The following OXCT1 variants were observed in gnomAD, a reference collection of about 807,000 sequenced individuals.
The protein encoded by OXCT1 is succinyl-CoA:3-ketoacid coenzyme A transferase 1, mitochondrial.
Under a neutral mutation model 69.6 loss-of-function variants are expected in OXCT1, and 27 were observed. That is an observed-to-expected ratio of 0.39 (90% confidence interval 0.29 to 0.54). The LOEUF is 0.54. Among genes scored for constraint, OXCT1 ranks in the 20% least tolerant of loss-of-function variants. The pLI is 0.72. For synonymous variants in OXCT1, 202 were observed against 217.8 expected (o/e 0.93, Z 0.64); for missense variants, 437 against 650.2 (o/e 0.67, Z 3.57).
chr5:41,843,322 C>A (rs1277476005), intron 5 of OXCT1, among the ~76,000 whole-genome samples: 2 of 152,126 alleles, frequency 1.3e-5, no homozygotes, highest in African/African-American at 4.8e-5. Context: ...TAGTATATGT[C>A]TCCATTTACT....
intron 14 of OXCT1, among the ~76,000 whole-genome samples, chr5:41,756,252 T>C (rs1744064221): frequency 6.6e-6 from 1 of 152,094 alleles, no homozygotes; most frequent in African/African-American, 2.4e-5. Context: ...CAACAGTAAC[T>C]GAATTCCTTT....
intron 13 of OXCT1, among the ~76,000 whole-genome samples, chr5:41,775,078 T>A (rs1745058880): frequency 6.6e-6 from 1 of 152,128 alleles, no homozygotes; most frequent in South Asian, 2.1e-4. Flanking sequence ...TTCAACTGTT[T>A]ATACTCAACA....
chr5:41,843,481 A>G (rs2112411802), intron 5 of OXCT1: 3 of 453,688 alleles, frequency 6.6e-6, no homozygotes, highest in South Asian at 4.7e-5. Context: ...GACATTACTG[A>G]TCTAGGGAAT....
chr5:41,774,863 C>A (rs1257848805), intron 13 of OXCT1, among the ~76,000 whole-genome samples: 1 of 151,812 alleles, frequency 6.6e-6, no homozygotes, highest in Non-Finnish European at 1.5e-5. Context: ...CCACTGCACT[C>A]CAGCCTGGGT....
chr5:41,755,900 GTTGCAT>G (rs2112077402), intron 14 of OXCT1, among the ~76,000 whole-genome samples: 2 of 152,164 alleles, frequency 1.3e-5, no homozygotes, highest in South Asian at 4.1e-4. Flanking sequence ...TGTAAACACA[GTTGCAT>G]AAAACAACAA....
At chr5:41,828,708 T>G (rs913019553) in intron 7 of OXCT1, among the ~76,000 whole-genome samples, 4 of 152,168 alleles carry the variant, frequency 2.6e-5, no homozygotes, top group Admixed American at 2.6e-4. Flanking sequence ...TTCTAATTAA[T>G]TTTCTATTCA....
In OXCT1 at chr5:41,870,267, C is replaced by T. The variant is rs766546693; in HGVS notation, c.78+14G>A. On this transcript the variant is annotated intron_variant, in intron 1 of 16. Transcript: ENST00000196371. This position sits in a 1 kb window ranked among gnomAD's most constrained non-coding sequence, Gnocchi z 4.2. ...TCTTCCTGCCCATGGCCTTCCTCTT[C>T]CCCCGCACTTTACCTTGTACCAGGT... The T allele has an allele frequency of 1.2e-6, 2 of 1,604,642 alleles. No homozygotes were observed. Among genetic ancestry groups the T allele is most frequent in the Non-Finnish European group, 1.7e-6 (2 of 1,175,006 alleles).
At chr5:41,851,402 C>T (rs1749166377) in intron 4 of OXCT1, among the ~76,000 whole-genome samples, 1 of 152,094 alleles carries the variant, frequency 6.6e-6, no homozygotes, top group Non-Finnish European at 1.5e-5. Flanking sequence ...GTAACATTTA[C>T]AAAAAATTAA....
intron 7 of OXCT1, among the ~76,000 whole-genome samples, chr5:41,838,393 T>C (rs1428319875): frequency 6.6e-6 from 1 of 152,202 alleles, no homozygotes; most frequent in African/African-American, 2.4e-5. Context: ...GTTTCTACTA[T>C]GAACAGGTGT....
At chr5:41,769,347 C>T (rs1336067277) in intron 13 of OXCT1, among the ~76,000 whole-genome samples, 3 of 152,082 alleles carry the variant, frequency 2.0e-5, no homozygotes, top group Non-Finnish European at 4.4e-5. Flanking sequence ...ACTACCAGTG[C>T]TCACATCTGT....
At chr5:41,745,726 C>T (rs370817035) in intron 15 of OXCT1, among the ~76,000 whole-genome samples, 4 of 152,064 alleles carry the variant, frequency 2.6e-5, no homozygotes, top group East Asian at 3.9e-4. Flanking sequence ...ATATCACCAC[C>T]GATCCCACAG....
In OXCT1 at chr5:41,807,446, A is replaced by G. The variant is rs1357993629; in HGVS notation, c.733-8T>C. On this transcript the variant is annotated splice_polypyrimidine_tract_variant and splice_region_variant and intron_variant, in intron 7 of 16. Coordinates refer to ENST00000196371, the MANE Select transcript of OXCT1 (RefSeq NM_000436.4). ...ATCCACAATTTCTTCAACCTAGACA[A>G]AGAGAAATTTCTTTCAAAGTTAGTG... The G allele has an allele frequency of 2.6e-6, 4 of 1,511,634 alleles. No individual in the cohort carries two copies. The highest frequency in any genetic ancestry group is 3.7e-6 in the Non-Finnish European group (4 of 1,088,132). The allele number at this position is 1,511,634 out of a possible 1,614,324, so 93.6% of individuals were successfully genotyped here. A position where few individuals can be genotyped will look rare whatever the true frequency, so the allele number is the denominator to read the frequency against.
rs1398933179 is a variant in OXCT1 at position 41,850,182 on chromosome 5, GC to G, written c.415-4del. ...CGGATCCTCTCTGCAAGTGTGCCCT[GC>G]AAGTGAGCAACCAACACCCCATAAG... is the stretch of plus-strand genomic sequence containing the variant. On this transcript the variant is annotated splice_polypyrimidine_tract_variant and splice_region_variant and intron_variant, in intron 4 of 16. Coordinates refer to ENST00000196371, the MANE Select transcript of OXCT1 (RefSeq NM_000436.4). The G allele has an allele frequency of 6.2e-7, 1 of 1,613,268 alleles. No homozygotes were observed. Among genetic ancestry groups the G allele is most frequent in the Non-Finnish European group, 8.5e-7 (1 of 1,179,778 alleles).
At chr5:41,806,707 T>G (rs937808854) in intron 8 of OXCT1, among the ~76,000 whole-genome samples, 3 of 152,092 alleles carry the variant, frequency 2.0e-5, no homozygotes, top group Non-Finnish European at 4.4e-5. Context: ...AAGCAGATGC[T>G]GGTGCCATGC....
At chr5:41,770,926 A>T (rs1744845786) in intron 13 of OXCT1, among the ~76,000 whole-genome samples, 2 of 152,204 alleles carry the variant, frequency 1.3e-5, no homozygotes, top group Non-Finnish European at 2.9e-5. Context: ...TTCATACCAG[A>T]AACTATACCA....
chr5:41,759,629 T>C (rs959938699), intron 14 of OXCT1, among the ~76,000 whole-genome samples: 1 of 152,120 alleles, frequency 6.6e-6, no homozygotes, highest in African/African-American at 2.4e-5. Context: ...TGCTGGAGTC[T>C]GAACTAAAGG....
chr5:41,757,231 T>C (rs1461862565), intron 14 of OXCT1, among the ~76,000 whole-genome samples: 1 of 152,082 alleles, frequency 6.6e-6, no homozygotes, highest in East Asian at 1.9e-4. Flanking sequence ...TAGAGGGACC[T>C]AATTATAAAT....
In OXCT1 at chr5:41,829,117, T is replaced by TTCCTAA. The variant is rs1312405583; in HGVS notation, c.732+11333_732+11334insTTAGGA. 2.6e-3 allele frequency among the ~76,000 whole-genome samples: 395 copies of TTCCTAA among 152,246 alleles called. 1 individual carries two copies. Among genetic ancestry groups the TTCCTAA allele is most frequent in the Non-Finnish European group, 3.1e-3 (208 of 68,002 alleles). On this transcript the variant is annotated intron_variant, in intron 7 of 16. Coordinates refer to ENST00000196371, the MANE Select transcript of OXCT1 (RefSeq NM_000436.4). Reference sequence around the variant, plus strand: ...ATGTCCTGAATTAGGAAGTTCTATATTAGAGAAGGATGAGGAATATGCCCT... The same window carrying TTCCTAA: ...ATGTCCTGAATTAGGAAGTTCTATATTCCTAATAGAGAAGGATGAGGAATATGCCCT...
intron 14 of OXCT1, among the ~76,000 whole-genome samples, chr5:41,758,688 G>T (rs151201863): frequency 2.1e-3 from 322 of 152,290 alleles, no homozygotes; most frequent in African/African-American, 7.4e-3. Context: ...GGATACAAGT[G>T]GTGGAGGCAG....
Sources: allele counts gnomAD v4.1 joint callset (sites outside exome capture counted in the v4.1 genomes callset), GRCh38; gene constraint gnomAD v4.1.1; non-coding constraint Gnocchi (gnomAD v3.1); transcripts MANE v1.5; gene names NCBI Gene and HGNC (gene_info 2026-07-23, HGNC 2026-07-21).